PEX13: variants seen among roughly 807,000 people sequenced by gnomAD.
PEX13 encodes peroxisomal biogenesis factor 13.
A neutral mutation model predicts 34.5 loss-of-function variants in PEX13; 28 were observed. That is an observed-to-expected ratio of 0.81 (90% confidence interval 0.60 to 1.11). The LOEUF (loss-of-function observed/expected upper bound fraction) is 1.11, where lower values mean the gene tolerates loss of function less well. PEX13 is among the 50% of genes most tolerant of loss of function. The pLI is 0.00. For missense variants in PEX13, 550 were observed against 491.0 expected (o/e 1.12, Z -1.13); for synonymous variants, 177 against 175.1 (o/e 1.01, Z -0.09).
chr2:61,035,557 G>A (rs563680366), intron 2 of PEX13, among the ~76,000 whole-genome samples: 1 of 152,216 alleles, frequency 6.6e-6, no homozygotes, highest in African/African-American at 2.4e-5. Context: ...CCCATCGCAA[G>A]GAAGCTAAAA....
At chr2:61,044,318 G>A (rs973731713) in intron 2 of PEX13, among the ~76,000 whole-genome samples, 1 of 152,134 alleles carries the variant, frequency 6.6e-6, no homozygotes, top group Non-Finnish European at 1.5e-5. Flanking sequence ...TGCCCAGGCT[G>A]GAGTGCGTAG....
At position 61,045,837 on chromosome 2, in the gene PEX13, A is replaced by C; in HGVS notation, c.899A>C (p.Asn300Thr). The change falls in exon 3 of 4, where the codon AAC (asparagine) becomes ACC (threonine). Residue 300 changes from asparagine to threonine, a missense_variant. Physicochemically the swap from Asn to Thr is moderately conservative, Grantham distance 65. Transcript: ENST00000295030. ...EISFRAGDML[N>T]LALKEQQPKV... ...TCTTTCCGGGCTGGTGATATGCTGA[A>C]CTTAGCTCTCAAAGGTAATAAATTA... is the stretch of plus-strand genomic sequence containing the variant. 6.2e-7 allele frequency: 1 copy of C among 1,612,724 alleles called. No homozygotes were observed. Among genetic ancestry groups the C allele is most frequent in the Middle Eastern group, 1.7e-4 (1 of 6,056 alleles).
chr2:61,021,451 G>A (rs1393570720), intron 1 of PEX13, among the ~76,000 whole-genome samples: 1 of 152,150 alleles, frequency 6.6e-6, no homozygotes, highest in African/African-American at 2.4e-5. Context: ...CTGCGAGGCA[G>A]CAGCCTGGCA....
chr2:61,041,551 C>T (rs1680626444), intron 2 of PEX13, among the ~76,000 whole-genome samples: 1 of 152,126 alleles, frequency 6.6e-6, no homozygotes, highest in African/African-American at 2.4e-5. Context: ...TGGAAGTCAT[C>T]AAGCTCCAGC....
At chr2:61,021,913 C>G (rs910819584) in intron 1 of PEX13, among the ~76,000 whole-genome samples, 1 of 152,162 alleles carries the variant, frequency 6.6e-6, no homozygotes, top group Non-Finnish European at 1.5e-5. Context: ...CAGCAAACTC[C>G]AACAGACCTG....
rs749465384 is a variant in PEX13, at chr2:61,031,611, T to G, written c.285T>G (p.Pro95=). ...ATTCATTTTATGGAGGCTATAGTCCTTATAGTTATGGATATAATGGGCTGG... is the reference window on the plus strand; with the variant it reads ...ATTCATTTTATGGAGGCTATAGTCCGTATAGTTATGGATATAATGGGCTGG... ...YGNSFYGGYS[P]YSYGYNGLGY... Residue 95 remains proline, a synonymous_variant, in exon 2 of 4, where the codon CCT becomes CCG. Transcript: ENST00000295030. The G allele has an allele frequency of 9.9e-6, 16 of 1,614,030 alleles. No homozygotes were observed. The South Asian group carries it at 1.8e-4, about 18-fold the overall frequency.
At chr2:61,045,980 C>T (rs1347416304) in intron 3 of PEX13, 129 bp downstream of exon 3, 2 of 818,292 alleles carry the variant, frequency 2.4e-6, no homozygotes, top group African/African-American at 1.7e-5. Flanking sequence ...ACTTCTTTTT[C>T]ATGTCAATTT....
At chr2:61,035,585 G>A (rs1680521829) in intron 2 of PEX13, among the ~76,000 whole-genome samples, 1 of 152,194 alleles carries the variant, frequency 6.6e-6, no homozygotes. Context: ...AAAAAGGTTA[G>A]ATGAATGGCT....
Position 61,051,001 on chromosome 2 carries a change from A to G in PEX13, c.*2231A>G, listed in dbSNP as rs1420387425. On this transcript the variant is annotated 3_prime_UTR_variant, in exon 4 of 4. Transcript: ENST00000295030. ...TTCAGATTAAAACATACAGGAACCAAGTACATACCCAGCATAGAAGAACTT... is the reference window on the plus strand; with the variant it reads ...TTCAGATTAAAACATACAGGAACCAGGTACATACCCAGCATAGAAGAACTT... The G allele has an allele frequency of 1.3e-5, 2 of 152,382 alleles. No individual in the cohort carries two copies. The highest frequency in any genetic ancestry group is 2.9e-5 in the Non-Finnish European group (2 of 68,040). 9.4% of individuals were successfully genotyped at this position (152,382 alleles called of 1,614,324 possible).
chr2:61,025,556 G>A (rs948698760), intron 1 of PEX13, among the ~76,000 whole-genome samples: 6 of 151,846 alleles, frequency 4.0e-5, no homozygotes, highest in African/African-American at 1.2e-4. Context: ...ACAGGGTTTC[G>A]CCATGCTGGA....
At chr2:61,038,243 T>TA (rs1442373587) in intron 2 of PEX13, among the ~76,000 whole-genome samples, 4 of 152,218 alleles carry the variant, frequency 2.6e-5, no homozygotes, top group African/African-American at 9.6e-5. Flanking sequence ...GAATCCTCCC[T>TA]AACTCATTTT....
intron 1 of PEX13, among the ~76,000 whole-genome samples, chr2:61,021,287 A>C (rs1680256975): frequency 6.6e-6 from 1 of 152,128 alleles, no homozygotes; most frequent in Non-Finnish European, 1.5e-5. Context: ...GTGACAGACT[A>C]TACCTGGAAA....
At chr2:61,036,897 A>C (rs948469694) in intron 2 of PEX13, among the ~76,000 whole-genome samples, 9 of 152,174 alleles carry the variant, frequency 5.9e-5, no homozygotes, top group Non-Finnish European at 8.8e-5. Context: ...CTCTTGTTCA[A>C]AGACACACAT....
intron 2 of PEX13, among the ~76,000 whole-genome samples, chr2:61,044,395 C>T (rs1680673239): frequency 1.3e-5 from 2 of 152,116 alleles, no homozygotes; most frequent in African/African-American, 2.4e-5. Flanking sequence ...ACTATAGGCG[C>T]GTGCCACCAC....
intron 2 of PEX13, among the ~76,000 whole-genome samples, chr2:61,037,363 A>T (rs1022849937): frequency 6.6e-6 from 1 of 152,188 alleles, no homozygotes; most frequent in Non-Finnish European, 1.5e-5. Context: ...TGACCACACA[A>T]TTGGAAGTAA....
intron 2 of PEX13, among the ~76,000 whole-genome samples, chr2:61,041,084 G>C (rs970567542): frequency 6.6e-6 from 1 of 152,060 alleles, no homozygotes; most frequent in Non-Finnish European, 1.5e-5. Context: ...GATGAGGCCT[G>C]CAGATCGCTT....
chr2:61,032,990 A>G (rs1680477633), intron 2 of PEX13, among the ~76,000 whole-genome samples: 1 of 152,226 alleles, frequency 6.6e-6, no homozygotes. Flanking sequence ...AATTGGCATT[A>G]TGAGACTTAA....
In PEX13 at chr2:61,044,325, G is replaced by A. The variant is rs930199412; in HGVS notation, c.788-1401G>A. Reference sequence around the variant, plus strand: ...CACTCAGTTGCCCAGGCTGGAGTGCGTAGTGCAGTCTCGGCTCACTGCAAC... The same window carrying A: ...CACTCAGTTGCCCAGGCTGGAGTGCATAGTGCAGTCTCGGCTCACTGCAAC... On this transcript the variant is annotated intron_variant, in intron 2 of 3. Transcript: ENST00000295030. Among the ~76,000 whole-genome samples, 4 of 152,130 alleles carry A rather than the reference G, an allele frequency of 2.6e-5. No homozygotes were observed. The South Asian group carries it at 6.2e-4, about 24-fold the overall frequency.
intron 2 of PEX13, among the ~76,000 whole-genome samples, chr2:61,043,117 G>A (rs143138220): frequency 5.9e-4 from 90 of 152,034 alleles, no homozygotes; most frequent in Middle Eastern, 3.4e-3. Context: ...CCTTGATCTC[G>A]GATTTCCTAG....
Sources: allele counts gnomAD v4.1 joint callset (sites outside exome capture counted in the v4.1 genomes callset), GRCh38; gene constraint gnomAD v4.1.1; transcripts MANE v1.5; gene names NCBI Gene and HGNC (gene_info 2026-07-23, HGNC 2026-07-21).